MYH11: variants seen among roughly 807,000 people sequenced by gnomAD.
MYH11 encodes myosin-11.
A neutral mutation model predicts 246.6 loss-of-function variants in MYH11; 80 were observed. The observed-to-expected ratio is 0.32, with a 90% CI of 0.27 to 0.39. The LOEUF is 0.39. MYH11 is among the 10% of genes least tolerant of loss of function. The pLI is 1.00. For missense variants in MYH11, 2,158 were observed against 2,546.8 expected, an observed-to-expected ratio of 0.85 and a Z score of 3.29; for synonymous variants, 1,071 against 1,015.5, an observed-to-expected ratio of 1.05 and a Z score of -1.04.
Position 15,737,452 on chromosome 16 carries a change from G to T in MYH11, c.3290C>A (p.Ala1097Asp). 6.2e-7 allele frequency: 1 copy of T among 1,612,208 alleles called. No individual in the cohort carries two copies. Residue 1097 changes from alanine (A) to aspartate (D), a missense_variant, in exon 25 of 41, where the codon GCC (alanine) becomes GAC (aspartate). Ala to Asp is a moderately radical substitution (Grantham distance 126, BLOSUM62 -2). This residue lies in a region of MYH11 where 284 missense variants were observed against 315.4 expected (regional missense o/e 0.90). Coordinates refer to ENST00000300036, the MANE Select transcript of MYH11 (RefSeq NM_002474.3). ...TGCCCCTTGCCAGCCCCGCTACCTG[G>T]CCAGGGCCGCCTGCAGCTCCTCCTC... ...KKEEELQAAL[A>D]RLDDEIAQKN...
intron 3 of MYH11, among the ~76,000 whole-genome samples, chr16:15,822,998 A>T (rs1286612333): frequency 6.6e-6 from 1 of 152,236 alleles, no homozygotes; most frequent in East Asian, 1.9e-4. Context: ...AGCTGGCCCG[A>T]CGGGGACCTT....
At chr16:15,810,137 G>A (rs574164812) in intron 3 of MYH11, among the ~76,000 whole-genome samples, 3 of 151,828 alleles carry the variant, frequency 2.0e-5, no homozygotes, top group East Asian at 2.0e-4. Flanking sequence ...AGGTTCAAGC[G>A]ATTCTCCTGC....
rs372173243 is a variant in MYH11, at chr16:15,714,962, C to T, written c.5733G>A (p.Thr1911=). 40 of 1,613,974 alleles carry T rather than the reference C, an allele frequency of 2.5e-5. No individual in the cohort carries two copies. Among genetic ancestry groups the T allele is most frequent in the Middle Eastern group, 1.6e-4 (1 of 6,080 alleles). ...CGCGGCCCATGGCCTCGTTGCTCTC[C>T]GTGGCCTCATCCAGCTCCCGCTGCA... is the stretch of plus-strand genomic sequence containing the variant. The part of the protein sequence containing the change: ...RKLQRELDEA[T]ESNEAMGREV... Residue 1911 remains threonine (T), a synonymous_variant, in exon 40 of 41, where the codon ACG becomes ACA. Transcript: ENST00000300036.
At chr16:15,786,811 A>T (rs2042481240) in intron 4 of MYH11, 79 bp from the exon 5 acceptor site, 1 of 1,248,828 alleles carries the variant, frequency 8.0e-7, no homozygotes. Context: ...GCAGGACAAT[A>T]ATGATCATCA....
intron 40 of MYH11, among the ~76,000 whole-genome samples, chr16:15,708,634 C>G (rs375112323): frequency 6.6e-6 from 1 of 152,184 alleles, no homozygotes. Context: ...TCATCCTGAT[C>G]TTGGTTTCAA....
chr16:15,828,506 C>A (rs752785015), intron 2 of MYH11, among the ~76,000 whole-genome samples: 2 of 152,114 alleles, frequency 1.3e-5, no homozygotes, highest in Non-Finnish European at 2.9e-5. Context: ...CCGCACAGTG[C>A]CAGGGACAGG....
rs1555458595 is a variant in MYH11, at chr16:15,833,415, G to GGAAGGAAGGAAGGAAGGAAGGAAC, written c.345+4492_345+4493insGTTCCTTCCTTCCTTCCTTCCTTC. Among the ~76,000 whole-genome samples, 801 of 148,000 alleles carry GGAAGGAAGGAAGGAAGGAAGGAAC rather than the reference G, an allele frequency of 5.4e-3. 13 individuals carry two copies. The highest frequency in any genetic ancestry group is 0.019 in the African/African-American group (746 of 38,776). ...AGGAAGGAAGGAAGGAAGGAAGGGA[G>GGAAGGAAGGAAGGAAGGAAGGAAC]GAACGAACTAACTAACTCGAGGCAG... On this transcript the variant is annotated intron_variant, in intron 2 of 40. Transcript: ENST00000300036.
rs2040327955 is a variant in MYH11 at position 15,719,121 on chromosome 16, CTG to C, written c.5171+97_5171+98del. 4.9e-6 allele frequency: 6 copies of C among 1,219,460 alleles called. No individual in the cohort carries two copies. In the Admixed American group the frequency reaches 1.2e-4, roughly 23 times the overall value. 75.5% of individuals were successfully genotyped at this position (1,219,460 alleles called of 1,614,324 possible). A position where few individuals can be genotyped will look rare whatever the true frequency, so the allele number is the denominator to read the frequency against. On this transcript the variant is annotated intron_variant, in intron 36 of 40. Transcript: ENST00000300036. Reference sequence around the variant, plus strand: ...CCAGCCTGGGTGACAGAATGAAACTCTGTCTCGAAAAAATTTAAAAAATAAAA... The same window carrying C: ...CCAGCCTGGGTGACAGAATGAAACTCTCTCGAAAAAATTTAAAAAATAAAA...
intron 1 of MYH11, among the ~76,000 whole-genome samples, chr16:15,841,657 A>T (rs1767658828): frequency 6.6e-6 from 1 of 152,154 alleles, no homozygotes; most frequent in Admixed American, 6.6e-5. Flanking sequence ...TTATGAGGAG[A>T]GGGACAGAGA....
chr16:15,745,268 T>C, intron 19 of MYH11, 31 bp from the exon 20 acceptor site: 169 of 1,142,372 alleles, frequency 1.5e-4, no homozygotes, highest in Non-Finnish European at 2.1e-4. Flanking sequence ...GGTGCGGGGG[T>C]CATGAAGCCA....
At chr16:15,767,051 G>C (rs997252976) in intron 9 of MYH11, among the ~76,000 whole-genome samples, 1 of 152,152 alleles carries the variant, frequency 6.6e-6, no homozygotes, top group African/African-American at 2.4e-5. Flanking sequence ...TGGGGAGGGA[G>C]GGAGATGGAT....
At chr16:15,746,305 G>A (rs2041416716) in intron 19 of MYH11, among the ~76,000 whole-genome samples, 1 of 152,024 alleles carries the variant, frequency 6.6e-6, no homozygotes, top group African/African-American at 2.4e-5. Context: ...CCGTTTAAGG[G>A]CTATCGATAG....
At chr16:15,824,262 C>T (rs1344052536) in intron 2 of MYH11, among the ~76,000 whole-genome samples, 2 of 150,866 alleles carry the variant, frequency 1.3e-5, no homozygotes, top group African/African-American at 2.5e-5. Flanking sequence ...AGAGCAAGAA[C>T]AGAAGAGAAT....
At chr16:15,835,396 G>A (rs1409152033) in intron 2 of MYH11, among the ~76,000 whole-genome samples, 1 of 152,156 alleles carries the variant, frequency 6.6e-6, no homozygotes, top group Non-Finnish European at 1.5e-5. Flanking sequence ...TCTGGTTAAG[G>A]ACTAATTTTT....
At chr16:15,797,502 CTG>C (rs2042769181) in intron 4 of MYH11, among the ~76,000 whole-genome samples, 1 of 150,120 alleles carries the variant, frequency 6.7e-6, no homozygotes, top group Non-Finnish European at 1.5e-5. Context: ...TAAATAACCT[CTG>C]TTGATTATAG....
Position 15,714,961 on chromosome 16 carries a change from C to G in MYH11, c.5734G>C (p.Glu1912Gln), listed in dbSNP as rs1030614126. The change falls in exon 40 of 41, where the codon GAG becomes CAG. Residue 1912 changes from glutamate (E) to glutamine (Q), a missense_variant. Glu to Gln is a conservative substitution (Grantham distance 29). Coordinates refer to ENST00000300036, the MANE Select transcript of MYH11 (RefSeq NM_002474.3). ...KLQRELDEATESNEAMGREVN... is the reference protein window; with the variant it reads ...KLQRELDEATQSNEAMGREVN... ...TCGCGGCCCATGGCCTCGTTGCTCTCCGTGGCCTCATCCAGCTCCCGCTGC... is the reference window on the plus strand; with the variant it reads ...TCGCGGCCCATGGCCTCGTTGCTCTGCGTGGCCTCATCCAGCTCCCGCTGC... 3.1e-6 allele frequency: 5 copies of G among 1,614,006 alleles called. No homozygotes were observed. The African/African-American group carries it at 5.3e-5, about 17-fold the overall frequency.
At chr16:15,718,514 C>G in intron 36 of MYH11, 76 bp from the exon 37 acceptor site, 1 of 1,522,774 alleles carries the variant, frequency 6.6e-7, no homozygotes, top group East Asian at 2.5e-5. Context: ...GGAGTCATGC[C>G]TCAGGGGTAT....
At chr16:15,856,216 G>A (rs2044463443) in intron 1 of MYH11, among the ~76,000 whole-genome samples, 1 of 121,154 alleles carries the variant, frequency 8.3e-6, no homozygotes, top group Non-Finnish European at 1.9e-5. Context: ...ACCTGGGTGA[G>A]TTGTTTTTTT....
At chr16:15,714,721 A>C (rs1596694761) in intron 40 of MYH11, 188 bp downstream of exon 40, 1 of 723,518 alleles carries the variant, frequency 1.4e-6, no homozygotes, top group East Asian at 2.5e-5. Flanking sequence ...CAGGCAAGGC[A>C]GGGCCCGGGT....
Sources: gnomAD v4.1 joint callset for allele counts (sites outside exome capture counted in the v4.1 genomes callset) on GRCh38, gnomAD v4.1.1 for gene constraint, gnomAD v4.1.1 regional missense constraint, MANE v1.5 for transcripts, NCBI Gene and HGNC (gene_info 2026-07-23, HGNC 2026-07-21) for gene names.